Variants in TTC23L observed in about 807,000 individuals in gnomAD.
The protein encoded by TTC23L is tetratricopeptide repeat protein 23-like.
Under a neutral mutation model 48.1 loss-of-function variants are expected in TTC23L, and 42 were observed. The observed-to-expected ratio is 0.87, with a 90% CI of 0.68 to 1.13. The LOEUF (loss-of-function observed/expected upper bound fraction) is 1.13, where lower values mean the gene tolerates loss of function less well. Among genes scored for constraint, TTC23L ranks in the 50% most tolerant of loss-of-function variants. The probability of loss-of-function intolerance (pLI) is 0.00; values close to 1 mark genes in which losing one functional copy is unlikely to be tolerated. For missense variants in TTC23L, 391 were observed against 421.0 expected, an observed-to-expected ratio of 0.93 and a Z score of 0.62; for synonymous variants, 159 against 157.2, an observed-to-expected ratio of 1.01 and a Z score of -0.09.
At chr5:34,917,461 G>C in the TTC23L span, among the ~76,000 whole-genome samples, 1 of 151,226 alleles carries the variant, frequency 6.6e-6, no homozygotes, top group African/African-American at 2.4e-5. Context: ...GTGAAACCCC[G>C]TCTCTACTAA....
At chr5:34,896,329 T>C (rs1763223392) in intron 9 of TTC23L, among the ~76,000 whole-genome samples, 1 of 152,114 alleles carries the variant, frequency 6.6e-6, no homozygotes, top group Non-Finnish European at 1.5e-5. Context: ...TGGTGGAGCT[T>C]GATTATTAGT....
At chr5:34,913,561 C>T in the TTC23L span, 1 of 1,589,770 alleles carries the variant, frequency 6.3e-7, no homozygotes, top group South Asian at 1.1e-5. Flanking sequence ...GAACTTTAAA[C>T]TCCTGAAATA....
chr5:34,842,522 C>A (rs1373958632), intron 2 of TTC23L, among the ~76,000 whole-genome samples: 1 of 152,092 alleles, frequency 6.6e-6, no homozygotes, highest in East Asian at 1.9e-4. Context: ...GGCACCTTGC[C>A]TCTAGTGGAC....
the TTC23L span, chr5:34,909,454 G>T: frequency 1.3e-6 from 1 of 761,886 alleles, no homozygotes; most frequent in Non-Finnish European, 2.2e-6. Flanking sequence ...TCATACTAGT[G>T]GGTGAAACAG....
chr5:34,903,354 A>C (rs1472304092), downstream of TTC23L, among the ~76,000 whole-genome samples: 1 of 152,174 alleles, frequency 6.6e-6, no homozygotes, highest in Non-Finnish European at 1.5e-5. Context: ...TCATAAAAAA[A>C]ATTAAGGGAA....
downstream of TTC23L, among the ~76,000 whole-genome samples, chr5:34,900,584 G>C (rs747169677): frequency 9.9e-5 from 15 of 152,262 alleles, no homozygotes; most frequent in Non-Finnish European, 1.6e-4. Flanking sequence ...TCTGTTTACA[G>C]AAAGAATCCT....
chr5:34,908,667 T>C, the TTC23L span: 1 of 1,134,692 alleles, frequency 8.8e-7, no homozygotes. Context: ...GCTTCTTCTC[T>C]ATAGAAAATC....
intron 9 of TTC23L, among the ~76,000 whole-genome samples, chr5:34,887,433 C>A (rs1762608694): frequency 6.6e-6 from 1 of 152,110 alleles, no homozygotes; most frequent in African/African-American, 2.4e-5. Flanking sequence ...TAATAAAATT[C>A]AAATCCACAC....
At chr5:34,918,346 CA>C in the TTC23L span, 1 of 1,247,132 alleles carries the variant, frequency 8.0e-7, no homozygotes, top group Non-Finnish European at 1.2e-6. Context: ...AATCTTTTAA[CA>C]TTTTCTTTTT....
At chr5:34,900,171 C>A (rs1026474295), downstream of TTC23L, among the ~76,000 whole-genome samples, 2 of 152,180 alleles carry the variant, frequency 1.3e-5, no homozygotes, top group South Asian at 4.1e-4. Context: ...AGTCAAAAAT[C>A]TTTGTATAAC....
At chr5:34,876,246 A>G (rs1761824944) in intron 8 of TTC23L, among the ~76,000 whole-genome samples, 1 of 152,152 alleles carries the variant, frequency 6.6e-6, no homozygotes, top group African/African-American at 2.4e-5. Flanking sequence ...CCAAAGTAAG[A>G]AGAAAAAAAT....
At position 34,846,600 on chromosome 5, in the gene TTC23L, T is replaced by TACACAC. The variant is rs1156477205; in HGVS notation, c.255+931_255+936dup. Among the ~76,000 whole-genome samples the TACACAC allele has an allele frequency of 2.6e-3, 239 of 92,896 alleles. 28 individuals are homozygous for TACACAC. Among genetic ancestry groups the TACACAC allele is most frequent in the African/African-American group, 0.012 (229 of 19,202 alleles). The allele number at this position is 92,896 out of a possible 152,430, so 60.9% of individuals were successfully genotyped here. On this transcript the variant is annotated intron_variant, in intron 3 of 10. Transcript: ENST00000505624. The stretch of plus-strand genomic sequence containing the variant: ...AAATATATATATATATATATATATA[T>TACACAC]ACACACACATATATATACACACACA...
chr5:34,884,872 T>G (rs1762455048), intron 9 of TTC23L, among the ~76,000 whole-genome samples: 1 of 152,222 alleles, frequency 6.6e-6, no homozygotes, highest in South Asian at 2.1e-4. Context: ...AAGCAGCAAT[T>G]GACATCCCTT....
the TTC23L span, chr5:34,915,474 C>T: frequency 2.3e-5 from 9 of 397,534 alleles, no homozygotes; most frequent in South Asian, 2.7e-4. Context: ...TGAAGAGGAG[C>T]GAGGCGGCTC....
intron 9 of TTC23L, among the ~76,000 whole-genome samples, chr5:34,889,341 G>T (rs1276616775): frequency 2.0e-5 from 3 of 152,146 alleles, no homozygotes; most frequent in African/African-American, 7.2e-5. Flanking sequence ...TGACTCTAAA[G>T]GCCATGTGTT....
At chr5:34,852,962 T>C (rs193162145) in intron 4 of TTC23L, among the ~76,000 whole-genome samples, 2 of 152,232 alleles carry the variant, frequency 1.3e-5, no homozygotes, top group Non-Finnish European at 2.9e-5. Context: ...ATGAGATGTA[T>C]TCACTATCAC....
At chr5:34,843,658 T>G (rs1250716926) in intron 2 of TTC23L, among the ~76,000 whole-genome samples, 2 of 152,238 alleles carry the variant, frequency 1.3e-5, no homozygotes, top group Non-Finnish European at 2.9e-5. Flanking sequence ...GCTATTGAGA[T>G]ATGATCTCTT....
At chr5:34,842,600 A>G (rs921872770) in intron 2 of TTC23L, among the ~76,000 whole-genome samples, 1 of 152,142 alleles carries the variant, frequency 6.6e-6, no homozygotes, top group African/African-American at 2.4e-5. Context: ...AGGGGGGTGG[A>G]AGAAGGGGTC....
intron 4 of TTC23L, among the ~76,000 whole-genome samples, chr5:34,861,868 T>C (rs1760689825): frequency 6.6e-6 from 1 of 152,088 alleles, no homozygotes; most frequent in Non-Finnish European, 1.5e-5. Context: ...TACCTGTTGT[T>C]TTCAGTCTTC....
Sources: allele counts gnomAD v4.1 joint callset (sites outside exome capture counted in the v4.1 genomes callset), GRCh38; gene constraint gnomAD v4.1.1; transcripts MANE v1.5; gene names NCBI Gene and HGNC (gene_info 2026-07-23, HGNC 2026-07-21).